The following SRGAP3 variants were observed in gnomAD, a reference collection of about 807,000 sequenced individuals.
SRGAP3 encodes SLIT-ROBO Rho GTPase activating protein 3.
Under a neutral mutation model 121.1 loss-of-function variants are expected in SRGAP3, and 39 were observed. That is an observed-to-expected ratio of 0.32 (90% CI 0.25 to 0.42). The LOEUF is 0.42. Among genes scored for constraint, SRGAP3 ranks in the 10% least tolerant of loss-of-function variants. The pLI, the probability that SRGAP3 is intolerant of heterozygous loss-of-function variation, is 1.00. For synonymous variants in SRGAP3, 601 were observed against 570.0 expected (o/e 1.05, Z -0.77); for missense variants, 1,213 against 1,470.6 (o/e 0.82, Z 2.86).
At chr3:8,992,403 C>T (rs143833521) in intron 20 of SRGAP3, among the ~76,000 whole-genome samples, 1 of 152,200 alleles carries the variant, frequency 6.6e-6, no homozygotes, top group South Asian at 2.1e-4. Context: ...CTGGCCCACA[C>T]ATAGGGAGCG....
rs747846785 is a variant in SRGAP3, at chr3:8,990,742, G to C, written c.2656C>G (p.Pro886Ala). The change falls in exon 21 of 22, where the codon CCA becomes GCA. Residue 886 changes from proline to alanine, a missense_variant. Coordinates refer to ENST00000383836, the MANE Select transcript of SRGAP3 (RefSeq NM_014850.4). ...CTGGGGCAGGCAGCAGCCCGGGGTG[G>C]TGTGTCTATGCTGGGGCCCAGGCCC... ...PRGLGPSIDT[P>A]PRAAACPSSP... is the part of the protein sequence containing the mutation. 8.7e-6 allele frequency: 14 copies of C among 1,611,182 alleles called. No individual in the cohort carries two copies. The highest frequency in any genetic ancestry group is 1.2e-5 in the Non-Finnish European group (14 of 1,179,240).
In SRGAP3 at chr3:9,013,738, G is replaced by C. The variant is rs1943487450; in HGVS notation, c.1918C>G (p.His640Asp). 1 of 1,614,070 alleles carries C rather than the reference G, an allele frequency of 6.2e-7. No individual in the cohort carries two copies. Residue 640 changes from histidine (H) to aspartate (D), a missense_variant and splice_region_variant, in exon 16 of 22, where the codon CAC becomes GAC. His to Asp is a moderately conservative substitution (Grantham distance 81). Transcript: ENST00000383836. ...VMRYLFAFLN[H>D]LSQYSDENMM... is the part of the protein sequence containing the mutation. ...GGGGCCCCTTGGCCAGACACTCACT[G>C]GTTGAGGAAAGCGAAGAGGTATCTC...
intron 11 of SRGAP3, chr3:9,034,614 C>T (rs1417730391): frequency 6.6e-6 from 1 of 152,202 alleles, no homozygotes; most frequent in Admixed American, 6.5e-5. Context: ...AACAAAATAA[C>T]AGCACAGATC....
chr3:9,251,793 C>T (rs1365793234), upstream of SRGAP3, among the ~76,000 whole-genome samples: 1 of 152,172 alleles, frequency 6.6e-6, no homozygotes, highest in Non-Finnish European at 1.5e-5. Flanking sequence ...CTGGCAGAGG[C>T]TGGGTTTTGG....
intron 2 of SRGAP3, among the ~76,000 whole-genome samples, chr3:9,115,120 G>C (rs367844409): frequency 1.3e-5 from 2 of 152,222 alleles, no homozygotes; most frequent in South Asian, 4.2e-4. Context: ...GTCAGCTGTG[G>C]GTCTGAAGTT....
intron 1 of SRGAP3, chr3:9,355,729 A>G (rs2030459863): frequency 6.6e-6 from 1 of 152,218 alleles, no homozygotes; most frequent in African/African-American, 2.4e-5. Context: ...TGTGATGTAT[A>G]TATTTTCTGT....
chr3:9,118,689 AG>A (rs750703994), intron 2 of SRGAP3, among the ~76,000 whole-genome samples: 21 of 118,286 alleles, frequency 1.8e-4, no homozygotes, highest in Non-Finnish European at 3.9e-4. Context: ...GCAGATTGCC[AG>A]GCCCCCCCCC....
intron 1 of SRGAP3, among the ~76,000 whole-genome samples, chr3:9,125,871 A>G (rs1216603777): frequency 2.6e-5 from 4 of 152,214 alleles, no homozygotes. Context: ...CCAACTCCTC[A>G]GCATGACATT....
rs1202827680 is a variant in SRGAP3, at chr3:9,104,765, T to C, written c.338A>G (p.His113Arg). The C allele has an allele frequency of 1.2e-6, 2 of 1,614,224 alleles. No individual in the cohort carries two copies. Among genetic ancestry groups the C allele is most frequent in the Non-Finnish European group, 1.7e-6 (2 of 1,180,032 alleles). Residue 113 changes from histidine to arginine, a missense_variant, in exon 3 of 22, where the codon CAT becomes CGT. His to Arg is a conservative substitution (Grantham distance 29). Around this residue, in one of 2 missense-constraint regions of SRGAP3, gnomAD observed 793 missense variants for 1,032.9 expected, o/e 0.77. Coordinates refer to ENST00000383836, the MANE Select transcript of SRGAP3 (RefSeq NM_014850.4). ...CATGAAGATGTCATTGAGGGTGGCATGGTCTCGGCTCTCCCGCCGGGTCTG... is the reference window on the plus strand; with the variant it reads ...CATGAAGATGTCATTGAGGGTGGCACGGTCTCGGCTCTCCCGCCGGGTCTG... ...LHQTRRESRD[H>R]ATLNDIFMNN... is the part of the protein sequence containing the mutation.
At chr3:9,155,313 G>T (rs1425424167) in intron 1 of SRGAP3, among the ~76,000 whole-genome samples, 2 of 152,030 alleles carry the variant, frequency 1.3e-5, no homozygotes. Flanking sequence ...TTTTCTCTCT[G>T]GAGGCTTTGA....
intron 3 of SRGAP3, among the ~76,000 whole-genome samples, chr3:9,263,503 G>A (rs956997215): frequency 2.0e-5 from 3 of 152,036 alleles, no homozygotes; most frequent in Non-Finnish European, 4.4e-5. Context: ...AAAGAGAGAT[G>A]AATCAAATAG....
chr3:9,188,002 T>C (rs1335280061), intron 1 of SRGAP3, among the ~76,000 whole-genome samples: 1 of 152,140 alleles, frequency 6.6e-6, no homozygotes, highest in African/African-American at 2.4e-5. Flanking sequence ...TCCTAGACCC[T>C]TTCTGTGCCC....
chr3:9,118,148 G>GTAAATAAA (rs1283902550), intron 2 of SRGAP3, among the ~76,000 whole-genome samples: 7 of 152,122 alleles, frequency 4.6e-5, no homozygotes, highest in African/African-American at 1.7e-4. Flanking sequence ...AAGTAAATAT[G>GTAAATAAA]TAAATAAATA....
intron 10 of SRGAP3, 86 bp from the exon 11 acceptor site, chr3:9,038,176 A>C: frequency 2.6e-6 from 4 of 1,514,986 alleles, no homozygotes; most frequent in Non-Finnish European, 3.6e-6. Context: ...ACAAAATACA[A>C]TGAGTCTTAA....
At chr3:9,128,376 T>C (rs1167535802) in intron 1 of SRGAP3, among the ~76,000 whole-genome samples, 1 of 152,200 alleles carries the variant, frequency 6.6e-6, no homozygotes, top group Non-Finnish European at 1.5e-5. Context: ...TCAGCTTACA[T>C]AAGTAGAGTT....
intron 1 of SRGAP3, among the ~76,000 whole-genome samples, chr3:9,154,104 G>A (rs149475593): frequency 1.5e-4 from 23 of 152,126 alleles, no homozygotes; most frequent in African/African-American, 2.4e-4. Flanking sequence ...AGAAATCCAC[G>A]TGAATTACCC....
intron 1 of SRGAP3, among the ~76,000 whole-genome samples, chr3:9,172,974 G>C (rs1338393789): frequency 6.6e-6 from 1 of 152,238 alleles, no homozygotes; most frequent in Non-Finnish European, 1.5e-5. Flanking sequence ...AAACAGTCAT[G>C]TGAGAGGAAG....
intron 1 of SRGAP3, among the ~76,000 whole-genome samples, chr3:9,238,711 GC>G (rs1443240342): frequency 1.3e-5 from 2 of 152,174 alleles, no homozygotes; most frequent in East Asian, 3.9e-4. Flanking sequence ...CCCAGGCAGA[GC>G]CCTAGGGAGG....
At chr3:9,060,198 C>G in intron 6 of SRGAP3, 33 bp downstream of exon 6, 1 of 1,613,628 alleles carries the variant, frequency 6.2e-7, no homozygotes, top group Non-Finnish European at 8.5e-7. Flanking sequence ...TGGTGTGGGC[C>G]CTGCTCAGTC....
Sources: gnomAD v4.1 joint callset for allele counts (sites outside exome capture counted in the v4.1 genomes callset) on GRCh38, gnomAD v4.1.1 for gene constraint, gnomAD v4.1.1 regional missense constraint, MANE v1.5 for transcripts, NCBI Gene and HGNC (gene_info 2026-07-23, HGNC 2026-07-21) for gene names.